INIP: variants seen among roughly 807,000 people sequenced by gnomAD.
INIP encodes the protein SOSS complex subunit C.
A neutral mutation model predicts 14.0 loss-of-function variants in INIP; 9 were observed. The ratio of observed to expected loss-of-function variants is 0.64; its 90% confidence interval spans 0.39 to 1.12. The LOEUF (loss-of-function observed/expected upper bound fraction) is 1.12, where lower values mean the gene tolerates loss of function less well. Ranked by LOEUF, INIP falls within the 50% of genes most tolerant of loss-of-function variation. The probability of loss-of-function intolerance (pLI) is 0.01; values close to 1 mark genes in which losing one functional copy is unlikely to be tolerated. For missense variants in INIP, 78 were observed against 122.7 expected, an observed-to-expected ratio of 0.64 and a Z score of 1.72; for synonymous variants, 37 against 41.5, an observed-to-expected ratio of 0.89 and a Z score of 0.41.
intron 2 of INIP, among the ~76,000 whole-genome samples, chr9:112,711,496 G>A (rs1246404071): frequency 6.6e-6 from 1 of 152,202 alleles, no homozygotes; most frequent in Non-Finnish European, 1.5e-5. Context: ...GTAAATCTCT[G>A]TGCGAATAGT....
intron 2 of INIP, among the ~76,000 whole-genome samples, chr9:112,705,348 G>A (rs79758209): frequency 0.074 from 11,189 of 152,016 alleles, 525 homozygotes; most frequent in South Asian, 0.11. Flanking sequence ...TCGCTCTGTT[G>A]CCCAGGCTGG....
chr9:112,715,129 TACATACACACACAC>T (rs919381547), intron 2 of INIP, among the ~76,000 whole-genome samples: 2 of 100,912 alleles, frequency 2.0e-5, no homozygotes, highest in African/African-American at 3.8e-5. Context: ...CATACATACA[TACATACACACACAC>T]ACACACACAC....
chr9:112,709,998 T>A (rs1458335864), intron 2 of INIP, among the ~76,000 whole-genome samples: 1 of 152,244 alleles, frequency 6.6e-6, no homozygotes, highest in Non-Finnish European at 1.5e-5. Context: ...GCATACAAAC[T>A]CTCATCTTTA....
chr9:112,715,437 T>A lies in INIP; in HGVS notation c.25+1024A>T, dbSNP rs143408200. Among the ~76,000 whole-genome samples the A allele has an allele frequency of 2.5e-3, 375 of 152,290 alleles. 6 individuals are homozygous for A. Among genetic ancestry groups the A allele is most frequent in the African/African-American group, 8.7e-3 (361 of 41,568 alleles). On this transcript the variant is annotated intron_variant, in intron 2 of 4. Coordinates refer to ENST00000374242, the MANE Select transcript of INIP (RefSeq NM_021218.3). ...TAACTTTACTTTATAAACTTTTAAA[T>A]TTTTTTAACTTTTTGACTTTTGTAA...
At position 112,685,168 on chromosome 9, in the gene INIP, C is replaced by T. The variant is rs948029090; in HGVS notation, c.*2370G>A. 3 of 152,446 alleles carry T rather than the reference C, an allele frequency of 2.0e-5. No homozygotes were observed. The highest frequency in any genetic ancestry group is 4.4e-5 in the Non-Finnish European group (3 of 68,310). The allele number at this position is 152,446 out of a possible 1,614,324, so 9.4% of individuals were successfully genotyped here. ...TCATGGCCCACTGCAGCCTCAACCTCCCAGGCTCAAGCAATCCTCCCACCT... is the reference window on the plus strand; with the variant it reads ...TCATGGCCCACTGCAGCCTCAACCTTCCAGGCTCAAGCAATCCTCCCACCT... On this transcript the variant is annotated 3_prime_UTR_variant, in exon 5 of 5. Transcript: ENST00000374242.
chr9:112,689,397 G>C, intron 4 of INIP, 130 bp downstream of exon 4: 2 of 716,360 alleles, frequency 2.8e-6, no homozygotes, highest in Non-Finnish European at 4.8e-6. Flanking sequence ...CTGAACATCA[G>C]CAAACCATTG....
At position 112,708,874 on chromosome 9, in the gene INIP, T is replaced by C. The variant is rs900602059; in HGVS notation, c.25+7587A>G. On this transcript the variant is annotated intron_variant, in intron 2 of 4. Transcript: ENST00000374242. ...TTTTTTTTTTCAAAGACAGGGTCTC[T>C]AAATGGATTCTAGGAAAGAATCCAT... is the stretch of plus-strand genomic sequence containing the variant. 7.9e-5 allele frequency among the ~76,000 whole-genome samples: 12 copies of C among 152,066 alleles called. No homozygotes were observed. In the South Asian group the frequency reaches 1.2e-3, roughly 16 times the overall value.
chr9:112,715,133 T>TACACACACACACACACACAC (rs58647648), intron 2 of INIP, among the ~76,000 whole-genome samples: 4 of 133,418 alleles, frequency 3.0e-5, no homozygotes, highest in Non-Finnish European at 4.8e-5. Flanking sequence ...CATACATACA[T>TACACACACACACACACACAC]ACACACACAC....
At chr9:112,690,181 G>T (rs1187031764) in intron 3 of INIP, among the ~76,000 whole-genome samples, 1 of 152,162 alleles carries the variant, frequency 6.6e-6, no homozygotes, top group Non-Finnish European at 1.5e-5. Context: ...CAGCAGGGGA[G>T]TGACATGATC....
rs576531808 is a variant in INIP at position 112,691,748 on chromosome 9, G to A, written c.129-2131C>T. Among the ~76,000 whole-genome samples the A allele has an allele frequency of 9.2e-5, 14 of 152,342 alleles. No homozygotes were observed. In the South Asian group the frequency reaches 1.9e-3, roughly 20 times the overall value. The stretch of plus-strand genomic sequence containing the variant: ...GAGTGGGCCGGGTGCAGCGGCTCAC[G>A]CCTGTAATCCCAGCACTTTGGGAGG... On this transcript the variant is annotated intron_variant, in intron 3 of 4. Transcript: ENST00000374242.
At chr9:112,711,251 C>A (rs787278) in intron 2 of INIP, among the ~76,000 whole-genome samples, 8,739 of 152,020 alleles carry the variant, frequency 0.057, 345 homozygotes, top group Non-Finnish European at 0.088. Flanking sequence ...CACTGGAGTC[C>A]GGGAGTCTCT....
At position 112,685,953 on chromosome 9, in the gene INIP, CT is replaced by C. The variant is rs1480515170; in HGVS notation, c.*1584del. 2.0e-5 allele frequency: 3 copies of C among 152,172 alleles called. No individual in the cohort carries two copies. The highest frequency in any genetic ancestry group is 4.8e-5 in the African/African-American group (2 of 41,446). The allele number at this position is 152,172 out of a possible 1,614,324, so 9.4% of individuals were successfully genotyped here. A position where few individuals can be genotyped will look rare whatever the true frequency, so the allele number is the denominator to read the frequency against. ...GCACAGCCAATTCTAGAATTGTCCACTCTTGCTTCACTTGGTTTGAGTAGGA... is the reference window on the plus strand; with the variant it reads ...GCACAGCCAATTCTAGAATTGTCCACCTTGCTTCACTTGGTTTGAGTAGGA... On this transcript the variant is annotated 3_prime_UTR_variant, in exon 5 of 5. Coordinates refer to ENST00000374242, the MANE Select transcript of INIP (RefSeq NM_021218.3).
At chr9:112,688,173 T>G (rs2131277788) in intron 4 of INIP, among the ~76,000 whole-genome samples, 1 of 152,296 alleles carries the variant, frequency 6.6e-6, no homozygotes. Context: ...AAATGGACAG[T>G]AATACAGAAT....
chr9:112,695,810 G>T (rs1838065194), intron 2 of INIP, among the ~76,000 whole-genome samples: 1 of 93,424 alleles, frequency 1.1e-5, no homozygotes, highest in African/African-American at 2.8e-5. Context: ...AGGAGGAGGA[G>T]AAGAAGAAGG....
Position 112,685,575 on chromosome 9 carries a change from A to C in INIP, c.*1963T>G, listed in dbSNP as rs920686713. 7.2e-5 allele frequency: 11 copies of C among 152,214 alleles called. No individual in the cohort carries two copies. Among genetic ancestry groups the C allele is most frequent in the Admixed American group, 1.3e-4 (2 of 15,270 alleles). The allele number at this position is 152,214 out of a possible 1,614,324, so 9.4% of individuals were successfully genotyped here. On this transcript the variant is annotated 3_prime_UTR_variant, in exon 5 of 5. Transcript: ENST00000374242. ...TAGAAACGATAACACTGGTAAAAAG[A>C]TCTCTTTACCTGAGCTACAAAAGTC...
chr9:112,694,732 C>T (rs892063385), intron 2 of INIP, among the ~76,000 whole-genome samples: 7 of 152,140 alleles, frequency 4.6e-5, no homozygotes, highest in African/African-American at 1.7e-4. Flanking sequence ...ATTTCTTCTT[C>T]TCAACTGCTT....
intron 2 of INIP, among the ~76,000 whole-genome samples, chr9:112,714,154 CTA>C (rs1304389986): frequency 6.6e-6 from 1 of 152,180 alleles, no homozygotes; most frequent in East Asian, 1.9e-4. Flanking sequence ...AAGGAATGAA[CTA>C]CTGATCCATG....
At chr9:112,709,366 T>G (rs1315777476) in intron 2 of INIP, among the ~76,000 whole-genome samples, 1 of 152,008 alleles carries the variant, frequency 6.6e-6, no homozygotes, top group African/African-American at 2.4e-5. Flanking sequence ...TTCCCCCTAC[T>G]GAAGGGCGGT....
intron 3 of INIP, among the ~76,000 whole-genome samples, chr9:112,691,665 CCTA>C (rs1837888578): frequency 6.6e-6 from 1 of 152,220 alleles, no homozygotes; most frequent in Admixed American, 6.5e-5. Context: ...ATAGTCTCCT[CCTA>C]CTGTGTTTTA....
Sources: allele counts gnomAD v4.1 joint callset (sites outside exome capture counted in the v4.1 genomes callset), GRCh38; gene constraint gnomAD v4.1.1; transcripts MANE v1.5; gene names NCBI Gene and HGNC (gene_info 2026-07-23, HGNC 2026-07-21).